The following ELMOD1 variants were observed in gnomAD, a reference collection of about 807,000 sequenced individuals.
ELMOD1 encodes ELMO domain containing 1.
A neutral mutation model predicts 46.7 loss-of-function variants in ELMOD1; 21 were observed. The ratio of observed to expected loss-of-function variants is 0.45; its 90% CI spans 0.32 to 0.65. The LOEUF (loss-of-function observed/expected upper bound fraction) is 0.65, where lower values mean the gene tolerates loss of function less well. Ranked by LOEUF, ELMOD1 falls within the 30% of genes least tolerant of loss-of-function variation. The pLI, the probability that ELMOD1 is intolerant of heterozygous loss-of-function variation, is 0.04. For missense variants in ELMOD1, 348 were observed against 407.8 expected (o/e 0.85, Z 1.26); for synonymous variants, 122 against 138.2 (o/e 0.88, Z 0.82).
At chr11:107,609,571 G>C (rs960786227) in intron 1 of ELMOD1, among the ~76,000 whole-genome samples, 4 of 152,162 alleles carry the variant, frequency 2.6e-5, no homozygotes, top group Non-Finnish European at 5.9e-5. Context: ...GGGTTACCCC[G>C]TAGCACTTTA....
chr11:107,610,135 CAG>C (rs372243402), intron 1 of ELMOD1, among the ~76,000 whole-genome samples: 24 of 152,234 alleles, frequency 1.6e-4, no homozygotes, highest in Middle Eastern at 3.4e-3. Flanking sequence ...AGACATGAAA[CAG>C]ATAATTTTGG....
intron 11 of ELMOD1, among the ~76,000 whole-genome samples, chr11:107,656,593 T>C: frequency 6.6e-6 from 1 of 151,960 alleles, no homozygotes; most frequent in Non-Finnish European, 1.5e-5. Flanking sequence ...TTGAACTTCC[T>C]CTTTTGGTTC....
intron 1 of ELMOD1, among the ~76,000 whole-genome samples, chr11:107,607,110 G>A (rs549377428): frequency 6.1e-4 from 93 of 152,230 alleles, no homozygotes; most frequent in African/African-American, 2.1e-3. Flanking sequence ...ACTGAAGAAG[G>A]GGTGGAAAAA....
chr11:107,634,111 C>T (rs558540309), intron 5 of ELMOD1, among the ~76,000 whole-genome samples: 194 of 152,234 alleles, frequency 1.3e-3, no homozygotes, highest in Middle Eastern at 6.8e-3. Flanking sequence ...CACACCACCT[C>T]AAACATGCTC....
In ELMOD1 at chr11:107,602,245, T is replaced by G. The variant is rs181643491; in HGVS notation, c.-86+10836T>G. 5.1e-3 allele frequency among the ~76,000 whole-genome samples: 779 copies of G among 152,308 alleles called. 2 individuals are homozygous for G. Among genetic ancestry groups the G allele is most frequent in the South Asian group, 0.015 (74 of 4,830 alleles). On this transcript the variant is annotated intron_variant, in intron 1 of 11. Coordinates refer to ENST00000265840, the MANE Select transcript of ELMOD1 (RefSeq NM_018712.4). ...GATGCTTTCTATGTGAGCTGTTTTG[T>G]TTTTGTTCCCCCTCTGGAAACTTTC...
intron 7 of ELMOD1, among the ~76,000 whole-genome samples, chr11:107,649,826 TC>T (rs1866494449): frequency 6.6e-6 from 1 of 152,188 alleles, no homozygotes; most frequent in Non-Finnish European, 1.5e-5. Context: ...AACTACTTTT[TC>T]CCCTTAGAAT....
chr11:107,631,403 C>CA (rs1555065984), intron 4 of ELMOD1, among the ~76,000 whole-genome samples, 177 bp from the exon 5 acceptor site: 1 of 146,876 alleles, frequency 6.8e-6, no homozygotes, highest in African/African-American at 2.5e-5. Flanking sequence ...CACTACCCCC[C>CA]CCCCCATCGT....
chr11:107,651,005 C>CAA, intron 9 of ELMOD1, 97 bp downstream of exon 9: 1 of 700,028 alleles, frequency 1.4e-6, no homozygotes, highest in Non-Finnish European at 2.1e-6. Flanking sequence ...TTATTTGTTT[C>CAA]AAAAAGCCAA....
chr11:107,647,411 T>C (rs967413939), intron 6 of ELMOD1, 57 bp from the exon 7 acceptor site: 1 of 1,540,432 alleles, frequency 6.5e-7, no homozygotes, highest in Non-Finnish European at 8.7e-7. Flanking sequence ...GTTTACAAAA[T>C]CTGAACCAAT....
chr11:107,658,567 CA>C (rs1866674144), intron 11 of ELMOD1, among the ~76,000 whole-genome samples: 1 of 151,984 alleles, frequency 6.6e-6, no homozygotes, highest in South Asian at 2.1e-4. Flanking sequence ...TTAAGGGAAA[CA>C]AAAAAGTCTT....
chr11:107,623,539 G>T (rs1168241366), intron 2 of ELMOD1: 1 of 152,144 alleles, frequency 6.6e-6, no homozygotes, highest in Admixed American at 6.5e-5. Flanking sequence ...TTTCACTTTT[G>T]TACTGAAGTG....
chr11:107,657,441 C>T (rs529523259), intron 11 of ELMOD1, among the ~76,000 whole-genome samples: 3 of 152,070 alleles, frequency 2.0e-5, no homozygotes, highest in Non-Finnish European at 4.4e-5. Context: ...GTGAGAAGAT[C>T]GCTTGAGCCC....
intron 1 of ELMOD1, among the ~76,000 whole-genome samples, chr11:107,598,293 A>C (rs1209812975): frequency 6.6e-6 from 1 of 152,116 alleles, no homozygotes; most frequent in African/African-American, 2.4e-5. Context: ...GCAAGAAAAG[A>C]CTAATGGCCC....
intron 6 of ELMOD1, chr11:107,643,716 C>CA (rs1363673837): frequency 2.0e-6 from 1 of 505,532 alleles, no homozygotes; most frequent in African/African-American, 2.0e-5. Flanking sequence ...TCAGGTGGCT[C>CA]AAGATTTTTG....
At chr11:107,606,536 CT>C (rs776065926) in intron 1 of ELMOD1, among the ~76,000 whole-genome samples, 2 of 152,178 alleles carry the variant, frequency 1.3e-5, no homozygotes, top group Non-Finnish European at 2.9e-5. Flanking sequence ...TTAATTACAT[CT>C]TAAAACTACA....
chr11:107,620,824 A>G (rs1423794045), intron 2 of ELMOD1, among the ~76,000 whole-genome samples: 4 of 152,248 alleles, frequency 2.6e-5, no homozygotes, highest in Admixed American at 6.5e-5. Context: ...AGATAATGCC[A>G]CTGCATTCCA....
At chr11:107,608,645 A>T (rs1419324792) in intron 1 of ELMOD1, among the ~76,000 whole-genome samples, 2 of 152,220 alleles carry the variant, frequency 1.3e-5, no homozygotes, top group Non-Finnish European at 2.9e-5. Context: ...GTAAAGAATA[A>T]TATAAAACTC....
In ELMOD1 at chr11:107,666,337, G is replaced by C. The variant is rs915440849; in HGVS notation, c.*1140G>C. On this transcript the variant is annotated 3_prime_UTR_variant, in exon 12 of 12. Transcript: ENST00000265840. The stretch of plus-strand genomic sequence containing the variant: ...CGGAACTGGGTTACACCCTGGCACT[G>C]TTCTGATCCAAGCATATTTGCTTGG... The C allele has an allele frequency of 2.6e-5, 4 of 152,192 alleles. No individual in the cohort carries two copies. The highest frequency in any genetic ancestry group is 9.7e-5 in the African/African-American group (4 of 41,446). 9.4% of individuals were successfully genotyped at this position (152,192 alleles called of 1,614,324 possible). A position where few individuals can be genotyped will look rare whatever the true frequency, so the allele number is the denominator to read the frequency against.
intron 6 of ELMOD1, among the ~76,000 whole-genome samples, chr11:107,640,777 CA>C (rs1344444723): frequency 2.6e-5 from 4 of 152,128 alleles, no homozygotes; most frequent in African/African-American, 9.7e-5. Context: ...TGTGCTTTAT[CA>C]AAAACAGCAT....
Sources: gnomAD v4.1 joint callset for allele counts (sites outside exome capture counted in the v4.1 genomes callset) on GRCh38, gnomAD v4.1.1 for gene constraint, MANE v1.5 for transcripts, NCBI Gene and HGNC (gene_info 2026-07-23, HGNC 2026-07-21) for gene names.